RBCK1: variants seen among roughly 807,000 people sequenced by gnomAD.
RBCK1 encodes the protein RANBP2-type and C3HC4-type zinc finger containing 1.
RBCK1 carries 44 observed loss-of-function variants against 71.1 expected under a neutral mutation model. The ratio of observed to expected loss-of-function variants is 0.62; its 90% CI spans 0.49 to 0.80. The LOEUF is 0.80. RBCK1 is among the 30% of genes least tolerant of loss of function. The pLI, the probability that RBCK1 is intolerant of heterozygous loss-of-function variation, is 0.00. For synonymous variants in RBCK1, 306 were observed against 279.7 expected (o/e 1.09, Z -0.94); for missense variants, 569 against 685.0 (o/e 0.83, Z 1.89).
intron 9 of RBCK1, among the ~76,000 whole-genome samples, chr20:427,787 T>C (rs939996303): frequency 1.3e-5 from 2 of 152,104 alleles, no homozygotes; most frequent in Non-Finnish European, 2.9e-5. Context: ...CAGTCCCACA[T>C]TGAGCCCTGA....
rs199951498 is a variant in RBCK1, at chr20:417,040, T to TC, written c.168-486_168-485insC. On this transcript the variant is annotated intron_variant, in intron 2 of 11. Coordinates refer to ENST00000356286, the MANE Select transcript of RBCK1 (RefSeq NM_031229.4). This position sits in a 1 kb window ranked among gnomAD's most constrained non-coding sequence, Gnocchi z 4.7. ...GAATCCTGCCTCTAACAGTTATTAG[T>TC]TGCTTAGTTTGGCAGAGTCACTGGA... Among the ~76,000 whole-genome samples, 109 of 152,324 alleles carry TC rather than the reference T, an allele frequency of 7.2e-4. No individual in the cohort carries two copies. In the East Asian group the frequency reaches 0.017, roughly 24 times the overall value.
intron 6 of RBCK1, chr20:420,238 C>T (rs1249459312): frequency 5.1e-6 from 5 of 985,044 alleles, no homozygotes; most frequent in Middle Eastern, 5.2e-4. Flanking sequence ...ACCCTCGCTG[C>T]GCCCTAGGGG....
At chr20:418,946 C>T (rs758588390) in intron 4 of RBCK1, among the ~76,000 whole-genome samples, 4 of 152,224 alleles carry the variant, frequency 2.6e-5, no homozygotes, top group African/African-American at 4.8e-5. Context: ...ATTCTGCTGT[C>T]ATGTCTCAGT....
intron 6 of RBCK1, chr20:420,254 C>A (rs904968513): frequency 3.0e-6 from 3 of 984,788 alleles, no homozygotes; most frequent in Admixed American, 1.2e-4. Flanking sequence ...AGGGGGATGA[C>A]CCCCGACCCC....
Position 409,947 on chromosome 20 carries a change from G to A in RBCK1, c.89G>A (p.Cys30Tyr), listed in dbSNP as rs2015604426. The A allele has an allele frequency of 6.2e-7, 1 of 1,614,144 alleles. No individual in the cohort carries two copies. The highest frequency in any genetic ancestry group is 8.5e-7 in the Non-Finnish European group (1 of 1,180,030). The change falls in exon 2 of 12, where the codon TGT becomes TAT. Residue 30 changes from cysteine to tyrosine, a missense_variant. Transcript: ENST00000356286. The stretch of plus-strand genomic sequence containing the variant: ...GGGGATGAACAGGTGGCAATGAAGT[G>A]TGCCATCTGGCTGGCAGAGCAACGG... ...AGGDEQVAMKCAIWLAEQRVP... is the reference protein window; with the variant it reads ...AGGDEQVAMKYAIWLAEQRVP...
Position 430,539 on chromosome 20 carries a change from C to A in RBCK1, c.*109C>A. On this transcript the variant is annotated 3_prime_UTR_variant, in exon 12 of 12. Coordinates refer to ENST00000356286, the MANE Select transcript of RBCK1 (RefSeq NM_031229.4). The surrounding 1 kb of genome is among the most constrained non-coding windows in gnomAD (Gnocchi z 5.6). ...CTTGCTTGCTGTAGCGTTGTAGGGG[C>A]CCTGCCTGCACTGCGGTTGTCCACG... 2 of 1,120,568 alleles carry A rather than the reference C, an allele frequency of 1.8e-6. No individual in the cohort carries two copies. Among genetic ancestry groups the A allele is most frequent in the Non-Finnish European group, 2.6e-6 (2 of 758,724 alleles). The allele number at this position is 1,120,568 out of a possible 1,614,324, so 69.4% of individuals were successfully genotyped here. A position where few individuals can be genotyped will look rare whatever the true frequency, so the allele number is the denominator to read the frequency against.
intron 8 of RBCK1, among the ~76,000 whole-genome samples, chr20:425,123 G>T (rs1217647171): frequency 1.3e-5 from 2 of 151,844 alleles, no homozygotes; most frequent in African/African-American, 4.8e-5. Context: ...CCATTCTCCT[G>T]CCTCAGCCTC....
chr20:430,279 G>C lies in RBCK1; in HGVS notation c.1453-71G>C. On this transcript the variant is annotated intron_variant, in intron 11 of 11. Coordinates refer to ENST00000356286, the MANE Select transcript of RBCK1 (RefSeq NM_031229.4). This position sits in a 1 kb window ranked among gnomAD's most constrained non-coding sequence, Gnocchi z 5.6. ...CCTGCAGAGGCAAAGGCCCGGGGTG[G>C]GAGAGCGCTCGGCTGTGGGGGCAGT... 7.2e-7 allele frequency: 1 copy of C among 1,385,864 alleles called. No individual in the cohort carries two copies. Among genetic ancestry groups the C allele is most frequent in the Non-Finnish European group, 1.0e-6 (1 of 979,606 alleles). The allele number at this position is 1,385,864 out of a possible 1,614,324, so 85.8% of individuals were successfully genotyped here.
Position 415,360 on chromosome 20 carries a change from C to T in RBCK1, c.168-2166C>T, listed in dbSNP as rs138588115. ...TCCATCCTGGGTGACAGAAGTGAGA[C>T]CCTGTCTCAAAAAAAACAAAAACAA... On this transcript the variant is annotated intron_variant, in intron 2 of 11. Coordinates refer to ENST00000356286, the MANE Select transcript of RBCK1 (RefSeq NM_031229.4). 1.5e-3 allele frequency among the ~76,000 whole-genome samples: 168 copies of T among 114,748 alleles called. 1 individual carries two copies. The highest frequency in any genetic ancestry group is 5.5e-3 in the African/African-American group (155 of 28,086). The allele number at this position is 114,748 out of a possible 152,430, so 75.3% of individuals were successfully genotyped here.
intron 11 of RBCK1, among the ~76,000 whole-genome samples, chr20:429,981 G>C (rs1166859282): frequency 6.6e-6 from 1 of 152,226 alleles, no homozygotes; most frequent in African/African-American, 2.4e-5. Flanking sequence ...CACTTGGTGA[G>C]CACCCTTGCA....
chr20:426,459 T>C (rs752017752), intron 8 of RBCK1, among the ~76,000 whole-genome samples: 16 of 152,338 alleles, frequency 1.1e-4, no homozygotes, highest in Non-Finnish European at 2.1e-4. Context: ...TAATGTTTGT[T>C]TGTCTGTGCC....
chr20:413,521 C>T (rs2015820101), intron 2 of RBCK1, among the ~76,000 whole-genome samples: 1 of 152,122 alleles, frequency 6.6e-6, no homozygotes, highest in South Asian at 2.1e-4. Context: ...GTTGAAGTAT[C>T]ATTGTGGACA....
At chr20:429,371 CAT>C (rs1386866071) in intron 11 of RBCK1, among the ~76,000 whole-genome samples, 1 of 152,112 alleles carries the variant, frequency 6.6e-6, no homozygotes, top group African/African-American at 2.4e-5. Context: ...GGATTACAGG[CAT>C]GCGCCACCAC....
Position 422,327 on chromosome 20 carries a change from C to CT in RBCK1, c.1029+101dup, listed in dbSNP as rs878914446. ...GGCAGCAGACATCTTTCTTTTCTTT[C>CT]TTTTTTTTTTTTGGAGATGGGGTCT... On this transcript the variant is annotated intron_variant, in intron 8 of 11. Coordinates refer to ENST00000356286, the MANE Select transcript of RBCK1 (RefSeq NM_031229.4). This position sits in a 1 kb window ranked among gnomAD's most constrained non-coding sequence, Gnocchi z 5.0. 0.12 allele frequency: 103,648 copies of CT among 832,714 alleles called. 895 individuals carry two copies. The highest frequency in any genetic ancestry group is 0.19 in the African/African-American group (10,400 of 56,122). 51.6% of individuals were successfully genotyped at this position (832,714 alleles called of 1,614,324 possible).
At chr20:426,816 CTTTTTTTTTTTT>C (rs768525416) in intron 8 of RBCK1, among the ~76,000 whole-genome samples, 3 of 95,508 alleles carry the variant, frequency 3.1e-5, no homozygotes, top group East Asian at 2.8e-4. Flanking sequence ...TTTTCTTTTC[CTTTTTTTTTTTT>C]TTTTTTTTTT....
intron 11 of RBCK1, 87 bp downstream of exon 11, chr20:429,181 C>A: frequency 6.7e-7 from 1 of 1,486,120 alleles, no homozygotes; most frequent in South Asian, 1.4e-5. Context: ...GCCCATGGGC[C>A]ATATCCAACC....
intron 4 of RBCK1, among the ~76,000 whole-genome samples, chr20:418,726 T>A (rs1401678950): frequency 6.6e-6 from 1 of 152,134 alleles, no homozygotes; most frequent in African/African-American, 2.4e-5. Flanking sequence ...TTCTGAACCA[T>A]TTTGAGAGTA....
Position 419,408 on chromosome 20 carries a change from GCCCGGGGTCCCCCAGGAA to G in RBCK1, c.528_545del (p.Val177_Gly182del), listed in dbSNP as rs758001493. 5.6e-6 allele frequency: 9 copies of G among 1,611,196 alleles called. No individual in the cohort carries two copies. The highest frequency in any genetic ancestry group is 7.6e-6 in the Non-Finnish European group (9 of 1,179,178). ...GCCCTCTGGAGCCAGGCCCCCCAAA[GCCCGGGGTCCCCCAGGAA>G]CCCGGACGGGGGCAGCCAGATGCAG... On this transcript the variant is annotated inframe_deletion, in exon 5 of 12. Transcript: ENST00000356286.
intron 1 of RBCK1, 144 bp from the exon 2 acceptor site, chr20:409,737 C>G (rs1347222791): frequency 4.0e-6 from 5 of 1,256,960 alleles, no homozygotes; most frequent in African/African-American, 1.5e-5. Flanking sequence ...GACTTTTAGT[C>G]TGGGTGCTGA....
Sources: allele counts gnomAD v4.1 joint callset (sites outside exome capture counted in the v4.1 genomes callset), GRCh38; gene constraint gnomAD v4.1.1; non-coding constraint Gnocchi (gnomAD v3.1); transcripts MANE v1.5; gene names NCBI Gene and HGNC (gene_info 2026-07-23, HGNC 2026-07-21).